The following LAMA3 variants were observed in gnomAD, a reference collection of about 807,000 sequenced individuals.
The protein encoded by LAMA3 is laminin subunit alpha 3, also known as laminin subunit alpha-3.
LAMA3 carries 281 observed loss-of-function variants against 402.0 expected under a neutral mutation model. The observed-to-expected ratio is 0.70, with a 90% CI of 0.63 to 0.77. The LOEUF (loss-of-function observed/expected upper bound fraction) is 0.77. Ranked by LOEUF, LAMA3 falls within the 30% of genes least tolerant of loss-of-function variation. The pLI is 0.00. For synonymous variants in LAMA3, 1,431 were observed against 1,558.4 expected (o/e 0.92, Z 1.93); for missense variants, 3,840 against 4,215.5 (o/e 0.91, Z 2.47).
intron 70 of LAMA3, 37 bp from the exon 71 acceptor site, chr18:23,949,728 G>A (rs1331472787): frequency 6.2e-7 from 1 of 1,610,490 alleles, no homozygotes; most frequent in Non-Finnish European, 8.5e-7. Context: ...TCTTGGAGGT[G>A]TAGGTAATGA....
At chr18:23,876,632 G>A (rs944845975) in intron 39 of LAMA3, among the ~76,000 whole-genome samples, 2 of 152,212 alleles carry the variant, frequency 1.3e-5, no homozygotes, top group Non-Finnish European at 2.9e-5. Context: ...GAGCAATTAA[G>A]TTACACTTTA....
intron 12 of LAMA3, among the ~76,000 whole-genome samples, chr18:23,807,320 A>T (rs2062980977): frequency 6.6e-6 from 1 of 152,194 alleles, no homozygotes; most frequent in Admixed American, 6.5e-5. Context: ...GTATTTATGA[A>T]TTTAAAAAAT....
chr18:23,804,059 A>T (rs1230790445), intron 12 of LAMA3, among the ~76,000 whole-genome samples: 1 of 152,188 alleles, frequency 6.6e-6, no homozygotes, highest in East Asian at 1.9e-4. Context: ...TGGTCAGCTC[A>T]CATCACATAG....
At chr18:23,692,821 A>C (rs1341352933) in intron 1 of LAMA3, among the ~76,000 whole-genome samples, 1 of 151,350 alleles carries the variant, frequency 6.6e-6, no homozygotes, top group Non-Finnish European at 1.5e-5. Flanking sequence ...TTTTTTTAGT[A>C]CTTATTCTGA....
intron 14 of LAMA3, among the ~76,000 whole-genome samples, chr18:23,813,994 A>G (rs1248331427): frequency 1.3e-5 from 2 of 152,176 alleles, no homozygotes; most frequent in Non-Finnish European, 2.9e-5. Flanking sequence ...CAAGGCTGTG[A>G]ATCTTGCATA....
intron 39 of LAMA3, among the ~76,000 whole-genome samples, chr18:23,880,142 G>A (rs1296493719): frequency 6.6e-6 from 1 of 152,198 alleles, no homozygotes; most frequent in Non-Finnish European, 1.5e-5. Flanking sequence ...TCAGTCACCC[G>A]TGAGAGGACT....
chr18:23,715,244 G>A (rs1259469578), intron 2 of LAMA3, among the ~76,000 whole-genome samples: 1 of 151,768 alleles, frequency 6.6e-6, no homozygotes, highest in African/African-American at 2.4e-5. Flanking sequence ...ACTTTAGATG[G>A]GTGAACAGTA....
chr18:23,865,529 C>CT (rs1198901132), intron 36 of LAMA3, among the ~76,000 whole-genome samples: 1 of 152,160 alleles, frequency 6.6e-6, no homozygotes, highest in Non-Finnish European at 1.5e-5. Context: ...TTGTTGGACT[C>CT]TGTAAAGGAC....
chr18:23,740,488 T>C (rs1230976595), intron 2 of LAMA3, among the ~76,000 whole-genome samples: 1 of 152,170 alleles, frequency 6.6e-6, no homozygotes, highest in Non-Finnish European at 1.5e-5. Flanking sequence ...GACTGAGTTT[T>C]GGTGTAGGGA....
intron 1 of LAMA3, among the ~76,000 whole-genome samples, chr18:23,696,620 C>T (rs1228258533): frequency 1.3e-5 from 2 of 152,140 alleles, no homozygotes; most frequent in African/African-American, 4.8e-5. Flanking sequence ...CCTGCCTCAG[C>T]CTCTCAAGTA....
Position 23,826,837 on chromosome 18 carries a change from GTC to G in LAMA3, c.2669+39_2669+40del, listed in dbSNP as rs978745267. ...CAGAAGGTGCAGCCGCATCATTGGGGTCCTCTAAATTAGGAGCCTTTAATGCA... is the reference window on the plus strand; with the variant it reads ...CAGAAGGTGCAGCCGCATCATTGGGGCTCTAAATTAGGAGCCTTTAATGCA... On this transcript the variant is annotated intron_variant, in intron 22 of 74. Transcript: ENST00000313654. The G allele has an allele frequency of 2.3e-6, 3 of 1,303,518 alleles. No homozygotes were observed. The African/African-American group carries it at 4.4e-5, about 19-fold the overall frequency. The allele number at this position is 1,303,518 out of a possible 1,614,324, so 80.7% of individuals were successfully genotyped here. A position where few individuals can be genotyped will look rare whatever the true frequency, so the allele number is the denominator to read the frequency against.
intron 39 of LAMA3, among the ~76,000 whole-genome samples, chr18:23,878,858 G>C (rs968737731): frequency 4.6e-5 from 7 of 152,140 alleles, no homozygotes; most frequent in African/African-American, 1.7e-4. Flanking sequence ...TCAAGGGCAG[G>C]AGTAGCGGGT....
intron 32 of LAMA3, among the ~76,000 whole-genome samples, chr18:23,852,301 A>G (rs2063964158): frequency 6.6e-6 from 1 of 152,238 alleles, no homozygotes; most frequent in African/African-American, 2.4e-5. Context: ...TCACAAATAC[A>G]TGGTACTATT....
chr18:23,900,979 T>C, intron 47 of LAMA3, 148 bp from the exon 48 acceptor site: 1 of 715,526 alleles, frequency 1.4e-6, no homozygotes, highest in Non-Finnish European at 2.5e-6. Context: ...AGCAGGTCTG[T>C]GTCAATGTGA....
intron 38 of LAMA3, chr18:23,872,743 C>A: frequency 2.4e-6 from 1 of 424,894 alleles, no homozygotes; most frequent in Non-Finnish European, 4.4e-6. Context: ...TTCCACCCTC[C>A]TACCCAGGGC....
At position 23,763,428 on chromosome 18, in the gene LAMA3, A is replaced by G; in HGVS notation, c.1087A>G (p.Ser363Gly). ...AGCATGCAACTGCCACGGCCATGCC[A>G]GCAACTGTTACTATGATCCAGATGT... ...CEACNCHGHA[S>G]NCYYDPDVER... Residue 363 changes from serine to glycine, a missense_variant, in exon 8 of 75, where the codon AGC (serine) becomes GGC (glycine). Around this residue, in one of 3 missense-constraint regions of LAMA3, gnomAD observed 2,109 missense variants for 2,376.0 expected, o/e 0.89. Transcript: ENST00000313654. 6.2e-7 allele frequency: 1 copy of G among 1,613,818 alleles called. No individual in the cohort carries two copies. Among genetic ancestry groups the G allele is most frequent in the Non-Finnish European group, 8.5e-7 (1 of 1,179,706 alleles).
chr18:23,716,549 G>A (rs1037434113), intron 2 of LAMA3, among the ~76,000 whole-genome samples: 4 of 152,050 alleles, frequency 2.6e-5, no homozygotes, highest in African/African-American at 9.7e-5. Flanking sequence ...ATGTCTGCTG[G>A]CTTGTTCTTT....
intron 20 of LAMA3, among the ~76,000 whole-genome samples, chr18:23,822,729 C>T (rs991036160): frequency 3.3e-5 from 5 of 152,166 alleles, no homozygotes; most frequent in African/African-American, 4.8e-5. Flanking sequence ...AGATTTTGGC[C>T]CGCTGCCCTA....
chr18:23,905,444 C>CA, intron 51 of LAMA3, 78 bp from the exon 52 acceptor site: 1 of 841,824 alleles, frequency 1.2e-6, no homozygotes, highest in African/African-American at 1.7e-5. Flanking sequence ...TTAAGGGCTT[C>CA]AGACTAGGAT....
Sources: allele counts gnomAD v4.1 joint callset (sites outside exome capture counted in the v4.1 genomes callset), GRCh38; gene constraint gnomAD v4.1.1; regional missense constraint gnomAD v4.1.1; transcripts MANE v1.5; gene names NCBI Gene and HGNC (gene_info 2026-07-23, HGNC 2026-07-21).